The following SNX29 variants were observed in gnomAD, a reference collection of about 807,000 sequenced individuals.
The protein encoded by SNX29 is sorting nexin-29.
A neutral mutation model predicts 102.1 loss-of-function variants in SNX29; 78 were observed. That is an observed-to-expected ratio of 0.76 (90% CI 0.64 to 0.92). The LOEUF is 0.92. SNX29 is among the 40% of genes least tolerant of loss of function. The probability of loss-of-function intolerance (pLI) is 0.00; values close to 1 mark genes in which losing one functional copy is unlikely to be tolerated. For synonymous variants in SNX29, 580 were observed against 414.5 expected (o/e 1.40, Z -4.85); for missense variants, 1,280 against 1,061.7 (o/e 1.21, Z -2.86).
chr16:12,390,985 A>C (rs2083510180), intron 16 of SNX29, among the ~76,000 whole-genome samples: 1 of 152,088 alleles, frequency 6.6e-6, no homozygotes, highest in Admixed American at 6.6e-5. Flanking sequence ...TCACTCTGTC[A>C]CCATGGCTGG....
At chr16:12,477,335 C>A (rs1291537555) in intron 18 of SNX29, among the ~76,000 whole-genome samples, 3 of 152,300 alleles carry the variant, frequency 2.0e-5, no homozygotes, top group Admixed American at 6.5e-5. Flanking sequence ...CCTCTCAGCT[C>A]TGTTTTACAG....
chr16:12,115,334 C>A (rs1050154005), intron 11 of SNX29, among the ~76,000 whole-genome samples: 4 of 152,112 alleles, frequency 2.6e-5, no homozygotes, highest in Middle Eastern at 3.2e-3. Context: ...GGTTTATAGA[C>A]TCATGCAGCT....
intron 19 of SNX29, among the ~76,000 whole-genome samples, chr16:12,503,763 C>G (rs9635498): frequency 0.14 from 20,800 of 152,092 alleles, 1,513 homozygotes; most frequent in East Asian, 0.25. Flanking sequence ...TCTGGCAGGC[C>G]CAGACTTATT....
rs576297634 is a variant in SNX29 at position 12,544,229 on chromosome 16, C to T, written c.2318+19388C>T. ...AACCGTGACAGCCGGTTCCTCACCA[C>T]ACCAAGATTGAAACTAACTTACCCA... On this transcript the variant is annotated intron_variant, in intron 20 of 20. Transcript: ENST00000566228. Among the ~76,000 whole-genome samples the T allele has an allele frequency of 1.1e-4, 17 of 152,314 alleles. No homozygotes were observed. The South Asian group carries it at 3.5e-3, about 32-fold the overall frequency.
chr16:12,403,222 G>A (rs920877540), intron 17 of SNX29, among the ~76,000 whole-genome samples: 3 of 148,224 alleles, frequency 2.0e-5, no homozygotes, highest in African/African-American at 7.5e-5. Context: ...GTGTGTGTGT[G>A]TGTGTGTGTG....
At chr16:12,221,135 C>G (rs567745872) in intron 14 of SNX29, among the ~76,000 whole-genome samples, 31 of 151,758 alleles carry the variant, frequency 2.0e-4, no homozygotes, top group African/African-American at 7.5e-4. Context: ...CTTCATTCCA[C>G]TCGGCATTTT....
At chr16:12,460,788 G>T (rs949097937) in intron 18 of SNX29, among the ~76,000 whole-genome samples, 1 of 151,690 alleles carries the variant, frequency 6.6e-6, no homozygotes, top group Non-Finnish European at 1.5e-5. Flanking sequence ...CTCCTGAGTA[G>T]CTGGGACTAC....
chr16:12,329,982 T>C (rs1047023858), intron 15 of SNX29, among the ~76,000 whole-genome samples: 6 of 152,208 alleles, frequency 3.9e-5, no homozygotes, highest in Non-Finnish European at 8.8e-5. Context: ...GGCTGTTGCG[T>C]CTGAGACACT....
intron 20 of SNX29, among the ~76,000 whole-genome samples, chr16:12,553,924 T>G (rs190490161): frequency 1.2e-4 from 18 of 152,164 alleles, no homozygotes; most frequent in African/African-American, 4.3e-4. Context: ...GCCTCCTGGG[T>G]TCAAGCAATT....
At chr16:12,000,956 GC>G (rs1317863160) in intron 2 of SNX29, among the ~76,000 whole-genome samples, 4 of 152,202 alleles carry the variant, frequency 2.6e-5, no homozygotes, top group Admixed American at 1.3e-4. Context: ...CCTGGACAGA[GC>G]CTGGTCCTCT....
At chr16:12,465,122 AT>A (rs1215598069) in intron 18 of SNX29, among the ~76,000 whole-genome samples, 1 of 152,192 alleles carries the variant, frequency 6.6e-6, no homozygotes, top group African/African-American at 2.4e-5. Context: ...TATTTTGGAT[AT>A]TAACCCCTTA....
intron 11 of SNX29, among the ~76,000 whole-genome samples, chr16:12,089,135 G>A (rs2052374358): frequency 6.7e-6 from 1 of 150,258 alleles, no homozygotes; most frequent in Admixed American, 6.7e-5. Context: ...AAAAGAGAGA[G>A]AGAGAGAGAA....
At chr16:12,150,489 C>A (rs985535648) in intron 13 of SNX29, among the ~76,000 whole-genome samples, 1 of 152,222 alleles carries the variant, frequency 6.6e-6, no homozygotes, top group African/African-American at 2.4e-5. Flanking sequence ...CCAGCACTGG[C>A]GTCTTCAGTG....
chr16:12,450,336 G>A (rs1239091082), intron 18 of SNX29, among the ~76,000 whole-genome samples: 1 of 152,214 alleles, frequency 6.6e-6, no homozygotes, highest in African/African-American at 2.4e-5. Flanking sequence ...GGCTGTTCTA[G>A]CTTTTGTTTG....
intron 19 of SNX29, among the ~76,000 whole-genome samples, chr16:12,488,224 A>AT (rs2088349606): frequency 6.6e-6 from 1 of 151,950 alleles, no homozygotes; most frequent in Non-Finnish European, 1.5e-5. Flanking sequence ...CATCCTGCAT[A>AT]TTTTCTAGGT....
chr16:12,405,726 T>A lies in SNX29; in HGVS notation c.2037+2197T>A, dbSNP rs528316006. On this transcript the variant is annotated intron_variant, in intron 18 of 20. Coordinates refer to ENST00000566228, the MANE Select transcript of SNX29 (RefSeq NM_032167.5). ...AAATACTGGTACTGTTGAAGAGTAC[T>A]TATTTTAGAATTAAAAAAGTATGCT... Among the ~76,000 whole-genome samples, 4 of 152,328 alleles carry A rather than the reference T, an allele frequency of 2.6e-5. No homozygotes were observed. In the East Asian group the frequency reaches 7.7e-4, roughly 29 times the overall value.
At chr16:12,210,761 T>C (rs709423) in intron 14 of SNX29, among the ~76,000 whole-genome samples, 121,605 of 151,688 alleles carry the variant, frequency 0.8, 51,094 homozygotes, top group Non-Finnish European at 0.93. Flanking sequence ...ACCTCCTCTT[T>C]TCCCCTATCT....
At chr16:12,555,794 C>G (rs114622031) in intron 20 of SNX29, among the ~76,000 whole-genome samples, 1,932 of 147,970 alleles carry the variant, frequency 0.013, 40 homozygotes, top group African/African-American at 0.049. Context: ...GGCAGGCACA[C>G]TCCTGCCTGC....
At chr16:12,296,140 C>T (rs1224272186) in intron 15 of SNX29, among the ~76,000 whole-genome samples, 1 of 152,182 alleles carries the variant, frequency 6.6e-6, no homozygotes, top group Non-Finnish European at 1.5e-5. Context: ...AAAATTCTCC[C>T]CTTCCTGTGC....
Sources: gnomAD v4.1 joint callset for allele counts (sites outside exome capture counted in the v4.1 genomes callset) on GRCh38, gnomAD v4.1.1 for gene constraint, MANE v1.5 for transcripts, NCBI Gene and HGNC (gene_info 2026-07-23, HGNC 2026-07-21) for gene names.